MED13L: variants seen among roughly 807,000 people sequenced by gnomAD.
MED13L encodes the protein mediator of RNA polymerase II transcription subunit 13-like.
In MED13L, 7 loss-of-function variants were observed where a neutral mutation model predicts 220.9. The ratio of observed to expected loss-of-function variants is 0.03; its 90% CI spans 0.02 to 0.06. The LOEUF is 0.06. Among genes scored for constraint, MED13L ranks in the 10% least tolerant of loss-of-function variants. MED13L has a pLI of 1.00. For missense variants in MED13L, 1,965 were observed against 2,760.5 expected (o/e 0.71, Z 6.46); for synonymous variants, 1,011 against 1,015.2 (o/e 1.00, Z 0.08).
At chr12:115,972,535 G>A (rs1044610699) in intron 25 of MED13L, 26 of 388,588 alleles carry the variant, frequency 6.7e-5, no homozygotes, top group Non-Finnish European at 1.3e-4. Context: ...CACTTAGAGT[G>A]CTTTTCCATG....
intron 3 of MED13L, among the ~76,000 whole-genome samples, chr12:116,108,884 G>A (rs1037855782): frequency 2.0e-5 from 3 of 151,952 alleles, no homozygotes; most frequent in African/African-American, 7.3e-5. Context: ...TGGCACACAT[G>A]ATATATATCT....
At chr12:116,255,990 C>G (rs1872008235) in intron 1 of MED13L, among the ~76,000 whole-genome samples, 1 of 152,154 alleles carries the variant, frequency 6.6e-6, no homozygotes, top group Admixed American at 6.5e-5. Flanking sequence ...ACTTGTGGTT[C>G]CAAGCATTTT....
intron 2 of MED13L, among the ~76,000 whole-genome samples, chr12:116,171,011 G>A (rs1363951254): frequency 6.6e-6 from 1 of 152,234 alleles, no homozygotes; most frequent in Non-Finnish European, 1.5e-5. Context: ...TCGTGCTAAG[G>A]CACCACCAGC....
At chr12:116,003,978 A>G (rs550562846) in intron 13 of MED13L, among the ~76,000 whole-genome samples, 47 of 152,346 alleles carry the variant, frequency 3.1e-4, no homozygotes, top group African/African-American at 1.1e-3. Flanking sequence ...ATTTGATTGA[A>G]AATGTCCAAT....
intron 9 of MED13L, among the ~76,000 whole-genome samples, chr12:116,010,504 T>C (rs923598831): frequency 1.6e-4 from 25 of 152,326 alleles, no homozygotes; most frequent in African/African-American, 6.0e-4. Context: ...TTCAACTGTA[T>C]TTAATGATTC....
intron 3 of MED13L, among the ~76,000 whole-genome samples, chr12:116,109,097 G>T (rs187547055): frequency 4.2e-5 from 5 of 117,808 alleles, no homozygotes; most frequent in Non-Finnish European, 6.5e-5. Flanking sequence ...TGGAAACAGG[G>T]TCTCACTCTG....
chr12:115,987,803 G>T (rs2137292517), intron 17 of MED13L, among the ~76,000 whole-genome samples: 1 of 152,292 alleles, frequency 6.6e-6, no homozygotes, highest in South Asian at 2.1e-4. Flanking sequence ...GCAGCCAGAG[G>T]CACAGGGAAA....
intron 2 of MED13L, among the ~76,000 whole-genome samples, chr12:116,157,960 C>G (rs1878572012): frequency 1.3e-5 from 2 of 152,160 alleles, no homozygotes; most frequent in Non-Finnish European, 2.9e-5. Context: ...TGAGACCTGG[C>G]AGGATCAGAT....
At chr12:116,269,091 G>A (rs1348691476) in intron 1 of MED13L, among the ~76,000 whole-genome samples, 3 of 152,026 alleles carry the variant, frequency 2.0e-5, no homozygotes, top group Admixed American at 6.6e-5. Context: ...AGACAGTCTC[G>A]TTCTGTCATC....
intron 16 of MED13L, among the ~76,000 whole-genome samples, chr12:115,996,216 G>A (rs1419120444): frequency 1.3e-4 from 20 of 151,798 alleles, no homozygotes; most frequent in Admixed American, 1.2e-3. Flanking sequence ...TCAGCCTCCC[G>A]AGTAGCTAGG....
At chr12:115,993,860 A>G (rs1878230595) in intron 16 of MED13L, among the ~76,000 whole-genome samples, 1 of 152,226 alleles carries the variant, frequency 6.6e-6, no homozygotes, top group Admixed American at 6.5e-5. Flanking sequence ...TCAAAAGTGA[A>G]AAAGAGAAAC....
In MED13L at chr12:116,277,010, A is replaced by AC. The variant is rs377558672; in HGVS notation, c.72+49dup. 0.11 allele frequency: 108,861 copies of AC among 1,008,346 alleles called. 1,815 individuals are homozygous for AC. Among genetic ancestry groups the AC allele is most frequent in the East Asian group, 0.17 (5,644 of 33,956 alleles). The allele number at this position is 1,008,346 out of a possible 1,614,324, so 62.5% of individuals were successfully genotyped here. On this transcript the variant is annotated intron_variant, in intron 1 of 30. Coordinates refer to ENST00000281928, the MANE Select transcript of MED13L (RefSeq NM_015335.5). Reference sequence around the variant, plus strand: ...AGTTGGTCGGCGGCGGAGGTCGGGGACCCCCCCCCTTCCCCGGCACAGCCC... The same window carrying AC: ...AGTTGGTCGGCGGCGGAGGTCGGGGACCCCCCCCCCTTCCCCGGCACAGCCC...
At chr12:116,049,493 A>T (rs1025520655) in intron 4 of MED13L, among the ~76,000 whole-genome samples, 3 of 152,230 alleles carry the variant, frequency 2.0e-5, no homozygotes, top group Admixed American at 6.5e-5. Context: ...AGCACTTAAA[A>T]TTTTGGCATG....
chr12:116,138,256 T>C (rs1172798451), intron 2 of MED13L, among the ~76,000 whole-genome samples: 1 of 152,226 alleles, frequency 6.6e-6, no homozygotes, highest in Non-Finnish European at 1.5e-5. Context: ...CATAGCCCTA[T>C]TGTTTAGGTA....
At chr12:116,161,500 A>G (rs1593115547) in intron 2 of MED13L, among the ~76,000 whole-genome samples, 1 of 152,312 alleles carries the variant, frequency 6.6e-6, no homozygotes, top group East Asian at 1.9e-4. Context: ...AATCAGATAA[A>G]GCAATTACAT....
intron 18 of MED13L, 146 bp downstream of exon 18, chr12:115,986,963 A>G: frequency 1.1e-6 from 1 of 887,574 alleles, no homozygotes; most frequent in East Asian, 2.6e-5. Flanking sequence ...TAACTTTAGG[A>G]AAACAAAGAG....
Position 115,986,371 on chromosome 12 carries a change from T to A in MED13L, c.4233A>T (p.Pro1411=). 1 of 1,614,152 alleles carries A rather than the reference T, an allele frequency of 6.2e-7. No individual in the cohort carries two copies. Among genetic ancestry groups the A allele is most frequent in the Non-Finnish European group, 8.5e-7 (1 of 1,180,006 alleles). Residue 1411 remains proline, a synonymous_variant, in exon 19 of 31, where the codon CCA becomes CCT. Coordinates refer to ENST00000281928, the MANE Select transcript of MED13L (RefSeq NM_015335.5). The stretch of plus-strand genomic sequence containing the variant: ...AGGCAACATCACGGTGGCCCCCATA[T>A]GGGTCCAACAAGAGCCTCTCCCAAA... The part of the protein sequence containing the change: ...LPFWERLLLD[P]YGGHRDVAYI...
In MED13L at chr12:116,002,992, T is replaced by C. The variant is rs373965434; in HGVS notation, c.2569+11A>G. ...TGAGCCACAATGGCTCAGTCAAGTT[T>C]CTCTACCTACTTGGTGGATAAGGAA... On this transcript the variant is annotated intron_variant, in intron 14 of 30. Transcript: ENST00000281928. The C allele has an allele frequency of 3.1e-6, 5 of 1,607,180 alleles. No homozygotes were observed. In the African/African-American group the frequency reaches 6.7e-5, roughly 21 times the overall value.
intron 2 of MED13L, among the ~76,000 whole-genome samples, chr12:116,203,495 A>G (rs1429120478): frequency 2.6e-5 from 4 of 152,208 alleles, no homozygotes; most frequent in South Asian, 2.1e-4. Flanking sequence ...GTGAAGACAT[A>G]TAAGGAAAGA....
Sources: gnomAD v4.1 joint callset for allele counts (sites outside exome capture counted in the v4.1 genomes callset) on GRCh38, gnomAD v4.1.1 for gene constraint, MANE v1.5 for transcripts, NCBI Gene and HGNC (gene_info 2026-07-23, HGNC 2026-07-21) for gene names.